The following CDH10 variants were observed in gnomAD, a reference collection of about 807,000 sequenced individuals.
The protein encoded by CDH10 is cadherin 10.
CDH10 carries 30 observed loss-of-function variants against 73.1 expected under a neutral mutation model. The observed-to-expected ratio is 0.41, with a 90% confidence interval of 0.31 to 0.56. The LOEUF is 0.56. CDH10 is among the 20% of genes least tolerant of loss of function. The probability of loss-of-function intolerance (pLI) is 0.27; values close to 1 mark genes in which losing one functional copy is unlikely to be tolerated. For missense variants in CDH10, 815 were observed against 973.7 expected (o/e 0.84, Z 2.17); for synonymous variants, 345 against 348.2 (o/e 0.99, Z 0.10).
intron 2 of CDH10, among the ~76,000 whole-genome samples, chr5:24,579,557 A>G (rs986969878): frequency 6.6e-6 from 1 of 152,054 alleles, no homozygotes; most frequent in Non-Finnish European, 1.5e-5. Context: ...TCACTACATC[A>G]TGAAATTACA....
chr5:24,584,481 A>T lies in CDH10; in HGVS notation c.231+8779T>A, dbSNP rs562545836. On this transcript the variant is annotated intron_variant, in intron 2 of 11. Transcript: ENST00000264463. ...TTTTTTTTTTGTGTGTGTGTGAGAG[A>T]GAGAGAGAGAGAGAGAGTCTTGCTC... Among the ~76,000 whole-genome samples, 22 of 108,378 alleles carry T rather than the reference A, an allele frequency of 2.0e-4. No homozygotes were observed. In the East Asian group the frequency reaches 3.1e-3, roughly 15 times the overall value. 71.1% of individuals were successfully genotyped at this position (108,378 alleles called of 152,430 possible).
intron 5 of CDH10, among the ~76,000 whole-genome samples, chr5:24,532,763 T>C (rs1743794510): frequency 6.6e-6 from 1 of 152,098 alleles, no homozygotes; most frequent in African/African-American, 2.4e-5. Context: ...TTGAAAACTT[T>C]TCCTATGTGG....
At chr5:24,587,478 C>A (rs1392641022) in intron 2 of CDH10, among the ~76,000 whole-genome samples, 1 of 152,068 alleles carries the variant, frequency 6.6e-6, no homozygotes, top group Non-Finnish European at 1.5e-5. Context: ...TTAATAATAA[C>A]CATGCTTCAT....
At chr5:24,506,015 G>A (rs1406805194) in intron 7 of CDH10, among the ~76,000 whole-genome samples, 1 of 151,318 alleles carries the variant, frequency 6.6e-6, no homozygotes, top group Non-Finnish European at 1.5e-5. Context: ...TCAGAAGGAT[G>A]AAGCAGGAGA....
chr5:24,632,139 A>G (rs1747722878), intron 1 of CDH10, among the ~76,000 whole-genome samples: 1 of 152,110 alleles, frequency 6.6e-6, no homozygotes, highest in Non-Finnish European at 1.5e-5. Flanking sequence ...AGATATTTCT[A>G]GCTAAAATTA....
At chr5:24,489,931 C>T (rs1741986960) in intron 11 of CDH10, among the ~76,000 whole-genome samples, 2 of 152,088 alleles carry the variant, frequency 1.3e-5, no homozygotes, top group Admixed American at 6.6e-5. Context: ...GGTACCTTAG[C>T]TCAACCACTC....
chr5:24,623,974 G>T (rs1034070975), intron 1 of CDH10, among the ~76,000 whole-genome samples: 1 of 151,944 alleles, frequency 6.6e-6, no homozygotes, highest in Admixed American at 6.6e-5. Context: ...ATACATTCCT[G>T]TAACATTTCT....
chr5:24,506,129 A>G (rs1253503169), intron 7 of CDH10, among the ~76,000 whole-genome samples: 1 of 150,994 alleles, frequency 6.6e-6, no homozygotes, highest in African/African-American at 2.4e-5. Flanking sequence ...AAAAAAAAAA[A>G]GGAAAAGAAA....
Position 24,538,049 on chromosome 5 carries a change from A to G in CDH10, c.232-375T>C, listed in dbSNP as rs570122592. ...CTTTCTGTGAATGAAAGATTATTTT[A>G]TTCTTAAATGGTGCAAAACAAAATC... On this transcript the variant is annotated intron_variant, in intron 2 of 11. Coordinates refer to ENST00000264463, the MANE Select transcript of CDH10 (RefSeq NM_006727.5). 2.6e-5 allele frequency among the ~76,000 whole-genome samples: 4 copies of G among 152,082 alleles called. No homozygotes were observed. The South Asian group carries it at 8.3e-4, about 31-fold the overall frequency.
chr5:24,633,219 A>T (rs1322056081), intron 1 of CDH10, among the ~76,000 whole-genome samples: 2 of 151,688 alleles, frequency 1.3e-5, no homozygotes, highest in Admixed American at 1.3e-4. Context: ...TAATTGTATT[A>T]TTTTCTTTTT....
intron 2 of CDH10, among the ~76,000 whole-genome samples, chr5:24,544,470 C>A (rs1404214879): frequency 1.3e-5 from 2 of 152,186 alleles, no homozygotes; most frequent in East Asian, 3.8e-4. Flanking sequence ...TGGGTGGGCA[C>A]ATATAGCTGC....
At chr5:24,502,050 CT>C (rs35302444) in intron 8 of CDH10, among the ~76,000 whole-genome samples, 80,381 of 151,224 alleles carry the variant, frequency 0.53, 23,406 homozygotes, top group South Asian at 0.65. Flanking sequence ...TCCCGGTAAG[CT>C]TGGGACTACA....
chr5:24,541,915 T>C (rs1396234699), intron 2 of CDH10, among the ~76,000 whole-genome samples: 1 of 152,146 alleles, frequency 6.6e-6, no homozygotes, highest in African/African-American at 2.4e-5. Flanking sequence ...TTAAAAGTCA[T>C]TTTCCCATTG....
intron 2 of CDH10, among the ~76,000 whole-genome samples, chr5:24,573,866 A>G (rs1745492869): frequency 6.8e-6 from 1 of 147,702 alleles, no homozygotes; most frequent in Non-Finnish European, 1.5e-5. Flanking sequence ...TTATATTTAC[A>G]TATATTTCAT....
At chr5:24,576,674 T>C (rs1745611285) in intron 2 of CDH10, among the ~76,000 whole-genome samples, 1 of 152,042 alleles carries the variant, frequency 6.6e-6, no homozygotes, top group African/African-American at 2.4e-5. Context: ...TATAAATAAA[T>C]TACTAAATAA....
intron 2 of CDH10, among the ~76,000 whole-genome samples, chr5:24,560,745 T>C (rs1248162122): frequency 6.6e-6 from 1 of 152,144 alleles, no homozygotes; most frequent in Non-Finnish European, 1.5e-5. Context: ...GTTGTCAGTG[T>C]ATTTTTAGAC....
intron 5 of CDH10, among the ~76,000 whole-genome samples, chr5:24,515,864 A>G (rs748551274): frequency 1.3e-5 from 2 of 151,552 alleles, no homozygotes; most frequent in Non-Finnish European, 2.9e-5. Flanking sequence ...GGTGAGAGTG[A>G]GTAAGTCTCA....
intron 1 of CDH10, among the ~76,000 whole-genome samples, chr5:24,600,358 T>C (rs1704311489): frequency 6.6e-6 from 1 of 152,174 alleles, no homozygotes; most frequent in South Asian, 2.1e-4. Context: ...AATAGGGTCA[T>C]TGATGCTGAG....
intron 1 of CDH10, among the ~76,000 whole-genome samples, chr5:24,629,926 T>C (rs568145848): frequency 1.4e-4 from 22 of 152,296 alleles, no homozygotes; most frequent in African/African-American, 5.3e-4. Flanking sequence ...ACACCTTTTG[T>C]GTCTCTCATG....
Sources: allele counts gnomAD v4.1 joint callset (sites outside exome capture counted in the v4.1 genomes callset), GRCh38; gene constraint gnomAD v4.1.1; transcripts MANE v1.5; gene names NCBI Gene and HGNC (gene_info 2026-07-23, HGNC 2026-07-21).